Variants in GABRB2 observed in about 807,000 individuals in gnomAD.
GABRB2 encodes the protein gamma-aminobutyric acid receptor subunit beta-2.
GABRB2 carries 16 observed loss-of-function variants against 54.7 expected under a neutral mutation model. The ratio of observed to expected loss-of-function variants is 0.29; its 90% confidence interval spans 0.20 to 0.44. The LOEUF (loss-of-function observed/expected upper bound fraction) is 0.44, where lower values mean the gene tolerates loss of function less well. Among genes scored for constraint, GABRB2 ranks in the 20% least tolerant of loss-of-function variants. The pLI, the probability that GABRB2 is intolerant of heterozygous loss-of-function variation, is 1.00. For missense variants in GABRB2, 355 were observed against 644.0 expected (o/e 0.55, Z 4.86); for synonymous variants, 244 against 233.8 (o/e 1.04, Z -0.40).
At chr5:161,484,256 T>G (rs545116232) in intron 3 of GABRB2, among the ~76,000 whole-genome samples, 7 of 152,090 alleles carry the variant, frequency 4.6e-5, no homozygotes, top group Non-Finnish European at 8.8e-5. Flanking sequence ...GAGAGATTTA[T>G]TTTCTGGAGA....
At chr5:161,362,618 G>T (rs532140537) in intron 5 of GABRB2, among the ~76,000 whole-genome samples, 4 of 152,014 alleles carry the variant, frequency 2.6e-5, no homozygotes, top group African/African-American at 4.8e-5. Flanking sequence ...GAAAATTTTC[G>T]CAATCTATCC....
chr5:161,509,185 C>T (rs1387028255), intron 3 of GABRB2, among the ~76,000 whole-genome samples: 1 of 151,934 alleles, frequency 6.6e-6, no homozygotes, highest in Admixed American at 6.6e-5. Flanking sequence ...ACAACCAGTA[C>T]AGAATTATGT....
At chr5:161,306,595 G>C (rs1403474253) in intron 9 of GABRB2, among the ~76,000 whole-genome samples, 128 of 152,126 alleles carry the variant, frequency 8.4e-4, no homozygotes, top group Non-Finnish European at 1.5e-4. Flanking sequence ...CACAGCCAGT[G>C]GACTTCGCTT....
chr5:161,457,014 C>G (rs1757973065), intron 4 of GABRB2, among the ~76,000 whole-genome samples: 1 of 152,186 alleles, frequency 6.6e-6, no homozygotes, highest in South Asian at 2.1e-4. Context: ...TGCAAATGAA[C>G]CTCCTTGAGT....
At chr5:161,471,525 C>G (rs1758438277) in intron 3 of GABRB2, among the ~76,000 whole-genome samples, 1 of 151,998 alleles carries the variant, frequency 6.6e-6, no homozygotes, top group South Asian at 2.1e-4. Flanking sequence ...TAAGGGAAAT[C>G]CAAGTTCAGA....
chr5:161,442,893 C>T (rs1404778907), intron 4 of GABRB2, among the ~76,000 whole-genome samples: 1 of 152,060 alleles, frequency 6.6e-6, no homozygotes, highest in Non-Finnish European at 1.5e-5. Flanking sequence ...TCAGTTGGTC[C>T]CCTTTACCAC....
At chr5:161,505,562 A>G (rs1759580746) in intron 3 of GABRB2, among the ~76,000 whole-genome samples, 1 of 152,222 alleles carries the variant, frequency 6.6e-6, no homozygotes, top group Non-Finnish European at 1.5e-5. Context: ...TTACAAAAAA[A>G]TTAATAATAT....
chr5:161,456,612 G>C (rs1581001431), intron 4 of GABRB2, among the ~76,000 whole-genome samples: 1 of 152,132 alleles, frequency 6.6e-6, no homozygotes, highest in Non-Finnish European at 1.5e-5. Flanking sequence ...AATTTTGTCA[G>C]CAAGTTCCCT....
chr5:161,392,839 T>G (rs1008347976), intron 5 of GABRB2, among the ~76,000 whole-genome samples: 1 of 152,240 alleles, frequency 6.6e-6, no homozygotes, highest in East Asian at 1.9e-4. Context: ...GTTAAGTAAA[T>G]CTACAGCTAG....
intron 5 of GABRB2, among the ~76,000 whole-genome samples, chr5:161,340,169 T>C (rs1580897642): frequency 1.3e-5 from 2 of 152,160 alleles, no homozygotes; most frequent in Middle Eastern, 3.4e-3. Flanking sequence ...GGAATGCGAA[T>C]GTCTATAGCA....
intron 3 of GABRB2, among the ~76,000 whole-genome samples, chr5:161,463,554 T>TAC (rs1491386641): frequency 4.5e-5 from 1 of 22,066 alleles, no homozygotes; most frequent in Non-Finnish European, 1.0e-4. Flanking sequence ...AATATTTTTA[T>TAC]TTATATATAT....
intron 5 of GABRB2, among the ~76,000 whole-genome samples, chr5:161,341,776 T>C (rs1427596251): frequency 6.6e-6 from 1 of 150,710 alleles, no homozygotes; most frequent in Non-Finnish European, 1.5e-5. Flanking sequence ...ATTTTCTCTC[T>C]TTACTGTCAA....
intron 3 of GABRB2, among the ~76,000 whole-genome samples, chr5:161,521,763 C>T (rs757757229): frequency 4.0e-5 from 6 of 151,814 alleles, no homozygotes; most frequent in Non-Finnish European, 8.8e-5. Context: ...TGGTAAAAGA[C>T]CATATCTAAA....
In GABRB2 at chr5:161,327,775, G is replaced by C. The variant is rs139143624; in HGVS notation, c.1078-1294C>G. On this transcript the variant is annotated intron_variant, in intron 8 of 9. Transcript: ENST00000393959. ...ATCTTTAGGAAATCACCAAAGGAAG[G>C]TGAAAAATTTAATCCCACTCCTGAT... Among the ~76,000 whole-genome samples the C allele has an allele frequency of 6.5e-4, 99 of 152,154 alleles. No individual in the cohort carries two copies. The East Asian group carries it at 0.017, about 26-fold the overall frequency.
chr5:161,386,128 T>A (rs1755624578), intron 5 of GABRB2, among the ~76,000 whole-genome samples: 1 of 152,084 alleles, frequency 6.6e-6, no homozygotes, highest in South Asian at 2.1e-4. Context: ...CAGTCATCAT[T>A]TTCACCCATT....
chr5:161,499,856 T>G (rs1260309945), intron 3 of GABRB2, among the ~76,000 whole-genome samples: 1 of 152,140 alleles, frequency 6.6e-6, no homozygotes, highest in African/African-American at 2.4e-5. Flanking sequence ...TCTCTATTAA[T>G]AATTTTTTTT....
At chr5:161,480,028 G>A (rs1390650378) in intron 3 of GABRB2, among the ~76,000 whole-genome samples, 1 of 151,962 alleles carries the variant, frequency 6.6e-6, no homozygotes, top group African/African-American at 2.4e-5. Context: ...ATTCTGTGAG[G>A]CCACTACACT....
At chr5:161,497,005 A>G (rs556289364) in intron 3 of GABRB2, among the ~76,000 whole-genome samples, 7 of 152,250 alleles carry the variant, frequency 4.6e-5, no homozygotes, top group Non-Finnish European at 7.4e-5. Flanking sequence ...TTCCATTCAC[A>G]AAGTACAGAA....
chr5:161,463,553 A>T (rs57315302), intron 3 of GABRB2, among the ~76,000 whole-genome samples: 208 of 24,862 alleles, frequency 8.4e-3, no homozygotes, highest in African/African-American at 0.014. Context: ...AAATATTTTT[A>T]TTTATATATA....
Sources: gnomAD v4.1 joint callset for allele counts (sites outside exome capture counted in the v4.1 genomes callset) on GRCh38, gnomAD v4.1.1 for gene constraint, MANE v1.5 for transcripts, NCBI Gene and HGNC (gene_info 2026-07-23, HGNC 2026-07-21) for gene names.